SLC39A11: variants seen among roughly 807,000 people sequenced by gnomAD.
SLC39A11 encodes the protein zinc transporter ZIP11.
In SLC39A11, 33 loss-of-function variants were observed where a neutral mutation model predicts 36.1. The observed-to-expected ratio is 0.91, with a 90% CI of 0.69 to 1.22. The LOEUF is 1.22. SLC39A11 is among the 50% of genes most tolerant of loss of function. The pLI, the probability that SLC39A11 is intolerant of heterozygous loss-of-function variation, is 0.00. For missense variants in SLC39A11, 432 were observed against 430.3 expected (o/e 1.00, Z -0.03); for synonymous variants, 166 against 170.3 (o/e 0.97, Z 0.20).
chr17:72,891,274 A>G (rs61218646), intron 5 of SLC39A11, among the ~76,000 whole-genome samples: 7,796 of 152,144 alleles, frequency 0.051, 695 homozygotes, highest in African/African-American at 0.17. Flanking sequence ...ATACAAAATT[A>G]GCTGGGCGTG....
chr17:72,910,923 C>T (rs1239245551), intron 5 of SLC39A11, among the ~76,000 whole-genome samples: 12 of 100,594 alleles, frequency 1.2e-4, no homozygotes, highest in Non-Finnish European at 2.3e-4. Context: ...CAAGACTCCA[C>T]CTCAAAAAAA....
At chr17:73,009,967 T>C (rs2090420991) in intron 4 of SLC39A11, among the ~76,000 whole-genome samples, 1 of 151,786 alleles carries the variant, frequency 6.6e-6, no homozygotes, top group African/African-American at 2.4e-5. Flanking sequence ...ACAACAAATT[T>C]TTTAAGGAGC....
intron 4 of SLC39A11, among the ~76,000 whole-genome samples, chr17:73,029,117 CACA>C (rs1568151840): frequency 2.5e-5 from 1 of 39,468 alleles, no homozygotes; most frequent in Non-Finnish European, 1.0e-4. Context: ...GACGCCGTCA[CACA>C]CACACAAAAA....
At chr17:73,058,795 C>T (rs1448274249) in intron 3 of SLC39A11, among the ~76,000 whole-genome samples, 2 of 152,158 alleles carry the variant, frequency 1.3e-5, no homozygotes, top group African/African-American at 4.8e-5. Context: ...TGTCTTTTGG[C>T]AGATGAAAGA....
chr17:72,748,500 G>C (rs1216404479), intron 6 of SLC39A11, among the ~76,000 whole-genome samples: 1 of 152,156 alleles, frequency 6.6e-6, no homozygotes, highest in African/African-American at 2.4e-5. Context: ...CCTCTGAACA[G>C]TGACAGACCC....
Position 72,662,541 on chromosome 17 carries a change from G to A in SLC39A11, c.672-13273C>T, listed in dbSNP as rs1317425426. Among the ~76,000 whole-genome samples, 34 of 110,170 alleles carry A rather than the reference G, an allele frequency of 3.1e-4. 1 individual carries two copies. Among genetic ancestry groups the A allele is most frequent in the Admixed American group, 7.4e-4 (7 of 9,498 alleles). The allele number at this position is 110,170 out of a possible 152,430, so 72.3% of individuals were successfully genotyped here. ...GAAGAAAGAGAAAGAAAGAGAGAAAGAAAGAAAAGAAAAAAGAAAAGAAAA... is the reference window on the plus strand; with the variant it reads ...GAAGAAAGAGAAAGAAAGAGAGAAAAAAAGAAAAGAAAAAAGAAAAGAAAA... On this transcript the variant is annotated intron_variant, in intron 7 of 9. Transcript: ENST00000255559.
chr17:72,709,634 G>A (rs1373284884), intron 7 of SLC39A11, among the ~76,000 whole-genome samples: 5 of 152,234 alleles, frequency 3.3e-5, no homozygotes, highest in East Asian at 1.9e-4. Flanking sequence ...GTGTGTGCAC[G>A]TAAGTGTATG....
At chr17:72,851,878 A>C (rs964707600) in intron 5 of SLC39A11, among the ~76,000 whole-genome samples, 3 of 152,184 alleles carry the variant, frequency 2.0e-5, no homozygotes, top group Non-Finnish European at 2.9e-5. Flanking sequence ...AAATAAATTT[A>C]AAAACATTAG....
chr17:73,032,234 A>T, intron 3 of SLC39A11, among the ~76,000 whole-genome samples: 1 of 143,460 alleles, frequency 7.0e-6, no homozygotes, highest in African/African-American at 2.6e-5. Flanking sequence ...TGAGATGGAG[A>T]CTTTCTCTGT....
At chr17:72,673,834 T>C (rs2071130384) in intron 7 of SLC39A11, among the ~76,000 whole-genome samples, 1 of 151,972 alleles carries the variant, frequency 6.6e-6, no homozygotes, top group African/African-American at 2.4e-5. Context: ...GAGGCTGAGG[T>C]GGGCGGATCA....
intron 5 of SLC39A11, among the ~76,000 whole-genome samples, chr17:72,864,092 T>C (rs534233012): frequency 2.6e-5 from 4 of 152,256 alleles, no homozygotes; most frequent in Non-Finnish European, 5.9e-5. Context: ...TCAAAAGAAA[T>C]TGTTTGCCCA....
At chr17:73,038,156 G>A (rs375646046) in intron 3 of SLC39A11, among the ~76,000 whole-genome samples, 5 of 151,902 alleles carry the variant, frequency 3.3e-5, no homozygotes, top group South Asian at 4.2e-4. Flanking sequence ...CCCGGGAGGC[G>A]GAGGTGGCAG....
chr17:73,058,120 A>C (rs916552642), intron 3 of SLC39A11, among the ~76,000 whole-genome samples: 5 of 151,696 alleles, frequency 3.3e-5, no homozygotes, highest in African/African-American at 1.2e-4. Flanking sequence ...AAAATGGAGA[A>C]GGTCAAGACT....
chr17:72,708,431 T>G (rs1471058351), intron 7 of SLC39A11, among the ~76,000 whole-genome samples: 2 of 152,236 alleles, frequency 1.3e-5, no homozygotes, highest in Admixed American at 6.5e-5. Context: ...GCCCACTGTG[T>G]GAATTTGGAC....
chr17:72,647,734 C>T (rs76279247), intron 9 of SLC39A11, 72 bp from the exon 10 acceptor site: 24 of 1,172,790 alleles, frequency 2.0e-5, no homozygotes, highest in Non-Finnish European at 2.9e-5. Flanking sequence ...TGAAGGCATC[C>T]TCTGCAATGT....
chr17:72,660,769 T>C (rs1598259495), intron 7 of SLC39A11, among the ~76,000 whole-genome samples: 2 of 152,038 alleles, frequency 1.3e-5, no homozygotes, highest in Admixed American at 6.6e-5. Context: ...ACACCGTGAG[T>C]TCCTTGTTGT....
chr17:72,866,955 A>G (rs925996467), intron 5 of SLC39A11, among the ~76,000 whole-genome samples: 1 of 152,256 alleles, frequency 6.6e-6, no homozygotes, highest in African/African-American at 2.4e-5. Flanking sequence ...TCACACAAGA[A>G]GCAATGGTGA....
At chr17:72,967,403 T>A (rs867344793) in intron 4 of SLC39A11, among the ~76,000 whole-genome samples, 188 of 37,088 alleles carry the variant, frequency 5.1e-3, no homozygotes, top group South Asian at 0.024. Flanking sequence ...AGAGAGAGTG[T>A]GTGTGTGTGT....
chr17:72,881,849 TC>T (rs1344795073), intron 5 of SLC39A11, among the ~76,000 whole-genome samples: 3 of 152,250 alleles, frequency 2.0e-5, no homozygotes, highest in Non-Finnish European at 2.9e-5. Flanking sequence ...CTGCAGAATT[TC>T]TTTAGCTTTT....
Sources: gnomAD v4.1 joint callset for allele counts (sites outside exome capture counted in the v4.1 genomes callset) on GRCh38, gnomAD v4.1.1 for gene constraint, MANE v1.5 for transcripts, NCBI Gene and HGNC (gene_info 2026-07-23, HGNC 2026-07-21) for gene names.